Variants in SLC35D2 observed in about 807,000 individuals in gnomAD.
SLC35D2 encodes the protein solute carrier family 35 member D2, also known as nucleotide sugar transporter SLC35D2.
A neutral mutation model predicts 41.8 loss-of-function variants in SLC35D2; 43 were observed. That is an observed-to-expected ratio of 1.03 (90% CI 0.81 to 1.33). The LOEUF is 1.33. Among genes scored for constraint, SLC35D2 ranks in the 40% most tolerant of loss-of-function variants. The pLI is 0.00. For missense variants in SLC35D2, 380 were observed against 408.4 expected, an observed-to-expected ratio of 0.93 and a Z score of 0.60; for synonymous variants, 150 against 163.9, an observed-to-expected ratio of 0.92 and a Z score of 0.65.
chr9:96,316,779 T>C (rs1828063045), downstream of SLC35D2, among the ~76,000 whole-genome samples: 1 of 106,064 alleles, frequency 9.4e-6, no homozygotes, highest in African/African-American at 3.9e-5. Flanking sequence ...AACTAGGTCC[T>C]ATTATTTAAT....
intron 8 of SLC35D2, among the ~76,000 whole-genome samples, chr9:96,337,976 C>T (rs1174839676): frequency 7.7e-6 from 1 of 129,116 alleles, no homozygotes; most frequent in Non-Finnish European, 1.6e-5. Context: ...AGCAAAACTC[C>T]ACCTCAAAAA....
intron 1 of SLC35D2, among the ~76,000 whole-genome samples, chr9:96,369,332 A>G (rs1830593227): frequency 6.6e-6 from 1 of 152,198 alleles, no homozygotes; most frequent in Admixed American, 6.6e-5. Flanking sequence ...TTGCTATTGT[A>G]GTGAGGTCCA....
Position 96,351,225 on chromosome 9 carries a change from AAT to A in SLC35D2, c.420-56_420-55del, listed in dbSNP as rs548192127. 2.4e-3 allele frequency: 2,960 copies of A among 1,238,602 alleles called. 9 individuals are homozygous for A. The highest frequency in any genetic ancestry group is 8.3e-3 in the Middle Eastern group (44 of 5,276). 76.7% of individuals were successfully genotyped at this position (1,238,602 alleles called of 1,614,324 possible). On this transcript the variant is annotated intron_variant, in intron 5 of 11. Coordinates refer to ENST00000253270, the MANE Select transcript of SLC35D2 (RefSeq NM_007001.3). ...AAGGGAGCAGAGAGGAAAACATTGA[AAT>A]ATGATTATATTTTTTAAACAAATTG...
chr9:96,360,971 G>A (rs111681060), intron 3 of SLC35D2, among the ~76,000 whole-genome samples: 4 of 152,052 alleles, frequency 2.6e-5, no homozygotes, highest in African/African-American at 7.2e-5. Context: ...TCGAACTCCT[G>A]GTCTCAGGTG....
intron 4 of SLC35D2, among the ~76,000 whole-genome samples, chr9:96,353,150 A>G (rs1829878170): frequency 6.6e-6 from 1 of 152,184 alleles, no homozygotes. Context: ...AAAACATCAG[A>G]AACAACCTAA....
intron 9 of SLC35D2, among the ~76,000 whole-genome samples, chr9:96,330,187 G>A (rs1051353041): frequency 2.6e-5 from 4 of 152,180 alleles, no homozygotes; most frequent in East Asian, 1.9e-4. Flanking sequence ...GGATGGATTC[G>A]CCTCTGTATT....
At chr9:96,347,422 T>C (rs950979498) in intron 6 of SLC35D2, among the ~76,000 whole-genome samples, 7 of 152,180 alleles carry the variant, frequency 4.6e-5, no homozygotes, top group African/African-American at 1.7e-4. Context: ...TTCTGAAGAA[T>C]TTACTTGTTT....
chr9:96,382,415 C>T (rs1328483576), intron 1 of SLC35D2, among the ~76,000 whole-genome samples: 3 of 151,392 alleles, frequency 2.0e-5, no homozygotes, highest in Admixed American at 6.6e-5. Flanking sequence ...GATTGTGTCA[C>T]TACACTCCAG....
chr9:96,360,152 A>C lies in SLC35D2; in HGVS notation c.347+2T>G. The C allele has an allele frequency of 1.2e-6, 2 of 1,610,064 alleles. No individual in the cohort carries two copies. The highest frequency in any genetic ancestry group is 1.7e-6 in the Non-Finnish European group (2 of 1,176,830). On this transcript the variant is annotated splice_donor_variant, in intron 4 of 11. Transcript: ENST00000253270. LOFTEE classifies it high-confidence loss of function. ...TCCACCAGCCATTATCCTATACTCT[A>C]CCTTAATTTACTTGTGCTTGATAAT...
intron 4 of SLC35D2, among the ~76,000 whole-genome samples, chr9:96,355,653 C>T (rs1318940559): frequency 1.3e-5 from 2 of 151,906 alleles, no homozygotes. Flanking sequence ...TCCACCAACA[C>T]ACCCAGCTAA....
At chr9:96,352,733 G>T (rs535811982) in intron 4 of SLC35D2, among the ~76,000 whole-genome samples, 4 of 151,608 alleles carry the variant, frequency 2.6e-5, no homozygotes, top group Non-Finnish European at 4.4e-5. Flanking sequence ...AGGCCTATGC[G>T]TCATCATTAA....
At chr9:96,359,755 T>C (rs1198643978) in intron 4 of SLC35D2, among the ~76,000 whole-genome samples, 1 of 151,350 alleles carries the variant, frequency 6.6e-6, no homozygotes, top group Non-Finnish European at 1.5e-5. Flanking sequence ...CACTTGAAAA[T>C]GTCTGTCATT....
chr9:96,342,684 G>A (rs13291718), intron 8 of SLC35D2, among the ~76,000 whole-genome samples: 3,981 of 152,236 alleles, frequency 0.026, 78 homozygotes, highest in Middle Eastern at 0.054. Context: ...ATATAAACCC[G>A]TGGAAATGGC....
intron 1 of SLC35D2, among the ~76,000 whole-genome samples, chr9:96,369,957 CA>C (rs943578105): frequency 2.6e-5 from 4 of 152,218 alleles, no homozygotes; most frequent in Admixed American, 2.0e-4. Context: ...TGGACAGTAC[CA>C]CCATGCAAAT....
intron 9 of SLC35D2, among the ~76,000 whole-genome samples, chr9:96,332,240 G>A (rs567730783): frequency 1.6e-3 from 242 of 152,216 alleles, no homozygotes; most frequent in Non-Finnish European, 2.5e-3. Context: ...CTGGAGTTGC[G>A]GTGTGTGTGT....
chr9:96,352,235 C>A, intron 4 of SLC35D2, 126 bp from the exon 5 acceptor site: 1 of 541,300 alleles, frequency 1.8e-6, no homozygotes, highest in Non-Finnish European at 3.3e-6. Context: ...TTACCATTAA[C>A]AAATCACATT....
rs1283347215 is a variant in SLC35D2 at position 96,345,334 on chromosome 9, T to C, written c.556A>G (p.Asn186Asp). 3.1e-6 allele frequency: 5 copies of C among 1,611,958 alleles called. No homozygotes were observed. Among genetic ancestry groups the C allele is most frequent in the African/African-American group, 2.7e-5 (2 of 74,836 alleles). ...VFLNDIFTAA[N>D]GVYTKQKMDP... is the part of the protein sequence containing the mutation. Reference sequence around the variant, plus strand: ...ATTTTCTGTTTGGTATAAACTCCATTTGCTGCTGTGAAGATATCATTCAGG... The same window carrying C: ...ATTTTCTGTTTGGTATAAACTCCATCTGCTGCTGTGAAGATATCATTCAGG... Residue 186 changes from asparagine (N) to aspartate (D), a missense_variant, in exon 7 of 12, where the codon AAT becomes GAT. Transcript: ENST00000253270.
At chr9:96,369,276 A>G (rs927908234) in intron 1 of SLC35D2, among the ~76,000 whole-genome samples, 1 of 152,180 alleles carries the variant, frequency 6.6e-6, no homozygotes, top group African/African-American at 2.4e-5. Context: ...TTATATATCA[A>G]TATTCTCAAA....
chr9:96,352,331 T>G (rs1405499132), intron 4 of SLC35D2, among the ~76,000 whole-genome samples: 1 of 151,918 alleles, frequency 6.6e-6, no homozygotes, highest in African/African-American at 2.4e-5. Context: ...TATTTATTTA[T>G]TTTTTTTGGA....
Sources: allele counts gnomAD v4.1 joint callset (sites outside exome capture counted in the v4.1 genomes callset), GRCh38; gene constraint gnomAD v4.1.1; transcripts MANE v1.5; gene names NCBI Gene and HGNC (gene_info 2026-07-23, HGNC 2026-07-21).